Variants in ST13 observed in about 807,000 individuals in gnomAD.
ST13 encodes ST13 Hsp70 interacting protein, also known as hsc70-interacting protein.
Under a neutral mutation model 56.7 loss-of-function variants are expected in ST13, and 23 were observed. That is an observed-to-expected ratio of 0.41 (90% confidence interval 0.29 to 0.57). The LOEUF (loss-of-function observed/expected upper bound fraction) is 0.57. Ranked by LOEUF, ST13 falls within the 20% of genes least tolerant of loss-of-function variation. The pLI, the probability that ST13 is intolerant of heterozygous loss-of-function variation, is 0.36. For missense variants in ST13, 369 were observed against 459.9 expected (o/e 0.80, Z 1.81); for synonymous variants, 132 against 142.4 (o/e 0.93, Z 0.52).
intron 4 of ST13, 59 bp from the exon 5 acceptor site, chr22:40,840,751 CAT>C: frequency 3.4e-6 from 5 of 1,471,250 alleles, no homozygotes; most frequent in African/African-American, 1.4e-5. Context: ...GGAAGCAATT[CAT>C]ACTTTCTTAG....
intron 3 of ST13, among the ~76,000 whole-genome samples, chr22:40,847,915 C>A (rs1005483015): frequency 5.3e-5 from 8 of 151,916 alleles, no homozygotes; most frequent in African/African-American, 1.9e-4. Context: ...AGTGTGGTGG[C>A]AGGTTCCTCT....
At chr22:40,835,464 C>T in intron 7 of ST13, 96 bp downstream of exon 7, 2 of 1,042,292 alleles carry the variant, frequency 1.9e-6, no homozygotes, top group Non-Finnish European at 1.5e-6. Context: ...AAAATTAAGT[C>T]ATTAGGAACT....
At chr22:40,845,575 T>C (rs1387827844) in intron 3 of ST13, among the ~76,000 whole-genome samples, 1 of 152,132 alleles carries the variant, frequency 6.6e-6, no homozygotes, top group Non-Finnish European at 1.5e-5. Flanking sequence ...ATAAATTTAG[T>C]TTCCATATGT....
chr22:40,835,895 G>T lies in ST13; in HGVS notation c.383-8C>A. The T allele has an allele frequency of 1.2e-6, 2 of 1,601,358 alleles. No homozygotes were observed. Among genetic ancestry groups the T allele is most frequent in the Admixed American group, 3.4e-5 (2 of 59,022 alleles). On this transcript the variant is annotated splice_polypyrimidine_tract_variant and splice_region_variant and intron_variant, in intron 5 of 11. Coordinates refer to ENST00000216218, the MANE Select transcript of ST13 (RefSeq NM_003932.5). ...TGGCTTTCTGGAGTTCACCTAAAGT[G>T]AAACAAAAGTTATCGAGAAATATTC... is the stretch of plus-strand genomic sequence containing the variant.
rs975827663 is a variant in ST13 at position 40,825,196 on chromosome 22, G to A, written c.*1342C>T. ...AGGGAAAGAAAGCAAGCAGAGGTGGGGATATAGTTACACTATTTAAGAGCT... is the reference window on the plus strand; with the variant it reads ...AGGGAAAGAAAGCAAGCAGAGGTGGAGATATAGTTACACTATTTAAGAGCT... On this transcript the variant is annotated 3_prime_UTR_variant, in exon 12 of 12. Transcript: ENST00000216218. The A allele has an allele frequency of 6.6e-6, 1 of 151,794 alleles. No homozygotes were observed. The highest frequency in any genetic ancestry group is 2.4e-5 in the African/African-American group (1 of 41,290). 9.4% of individuals were successfully genotyped at this position (151,794 alleles called of 1,614,324 possible).
intron 10 of ST13, among the ~76,000 whole-genome samples, chr22:40,829,291 CCA>C (rs2057742925): frequency 6.6e-6 from 1 of 152,146 alleles, no homozygotes; most frequent in Non-Finnish European, 1.5e-5. Flanking sequence ...TATATAAATT[CCA>C]CACTGTCGTA....
At chr22:40,829,378 TA>T (rs1468933710) in intron 10 of ST13, among the ~76,000 whole-genome samples, 23 of 152,338 alleles carry the variant, frequency 1.5e-4, no homozygotes, top group Admixed American at 9.8e-4. Context: ...TGTCCTCTGG[TA>T]TTCAAAGATT....
In ST13 at chr22:40,856,529, G is replaced by T; in HGVS notation, c.12C>A (p.Arg4=). 1 of 1,612,418 alleles carries T rather than the reference G, an allele frequency of 6.2e-7. No individual in the cohort carries two copies. Among genetic ancestry groups the T allele is most frequent in the East Asian group, 2.2e-5 (1 of 44,880 alleles). MDP[R]KVNELRAFVK... ...CAAAGGCCCGAAGCTCGTTCACTTT[G>T]CGGGGGTCCATGGTAGGGAGGTGGT... The change falls in exon 1 of 12, where the codon CGC becomes CGA. Residue 4 remains arginine (R), a synonymous_variant. Transcript: ENST00000216218.
At chr22:40,846,698 A>G (rs533466387) in intron 3 of ST13, among the ~76,000 whole-genome samples, 1 of 152,340 alleles carries the variant, frequency 6.6e-6, no homozygotes, top group African/African-American at 2.4e-5. Context: ...GATATCAAAG[A>G]TAATTTGATT....
chr22:40,834,266 C>G (rs1334403840), intron 7 of ST13, among the ~76,000 whole-genome samples: 1 of 152,174 alleles, frequency 6.6e-6, no homozygotes, highest in Non-Finnish European at 1.5e-5. Context: ...GCCTGGGCAA[C>G]AGAGTGAGAC....
Position 40,844,884 on chromosome 22 carries a change from T to C in ST13, c.270A>G (p.Glu90=). Residue 90 remains glutamate (E), a synonymous_variant, in exon 4 of 12, where the codon GAA becomes GAG. Coordinates refer to ENST00000216218, the MANE Select transcript of ST13 (RefSeq NM_003932.5). ...TTTCTTGAGGAGCATCAGTGTCTGG[T>C]TCAATCACACCTTCTTTATCAATTT... ...DLEIDKEGVI[E]PDTDAPQEMG... The C allele has an allele frequency of 6.2e-7, 1 of 1,613,572 alleles. No homozygotes were observed. The highest frequency in any genetic ancestry group is 8.5e-7 in the Non-Finnish European group (1 of 1,179,724).
At chr22:40,840,993 TCTC>T (rs2057801745) in intron 4 of ST13, among the ~76,000 whole-genome samples, 1 of 151,858 alleles carries the variant, frequency 6.6e-6, no homozygotes, top group Non-Finnish European at 1.5e-5. Context: ...TTAAACCCAA[TCTC>T]CTCACAAAAA....
chr22:40,852,516 C>T (rs762812706), intron 1 of ST13, among the ~76,000 whole-genome samples: 1 of 152,030 alleles, frequency 6.6e-6, no homozygotes, highest in Non-Finnish European at 1.5e-5. Context: ...CAATATGAAG[C>T]AAAAGTATAA....
intron 4 of ST13, among the ~76,000 whole-genome samples, chr22:40,844,300 CTATAT>C (rs2057820120): frequency 1.3e-5 from 2 of 152,152 alleles, no homozygotes; most frequent in South Asian, 2.1e-4. Context: ...ACTGCTATTA[CTATAT>C]TAGAGTGTTT....
intron 5 of ST13, among the ~76,000 whole-genome samples, chr22:40,836,812 T>G (rs2057779687): frequency 6.6e-6 from 1 of 152,204 alleles, no homozygotes; most frequent in Non-Finnish European, 1.5e-5. Context: ...GCACAAAGTC[T>G]AAATCTTGGG....
chr22:40,838,774 G>A (rs1368541382), intron 5 of ST13, among the ~76,000 whole-genome samples: 1 of 152,032 alleles, frequency 6.6e-6, no homozygotes, highest in African/African-American at 2.4e-5. Flanking sequence ...AAATTTAGGT[G>A]GTAGGGAAAT....
At chr22:40,834,993 C>T (rs1011433455) in intron 7 of ST13, among the ~76,000 whole-genome samples, 5 of 152,178 alleles carry the variant, frequency 3.3e-5, no homozygotes, top group African/African-American at 9.7e-5. Context: ...ACTTCATTCC[C>T]AAGATACAAA....
intron 4 of ST13, among the ~76,000 whole-genome samples, chr22:40,841,873 A>AT: frequency 6.6e-6 from 1 of 152,264 alleles, no homozygotes; most frequent in South Asian, 2.1e-4. Context: ...GATTAGAAGC[A>AT]TAAGCCGCCA....
In ST13 at chr22:40,826,522, A is replaced by G; in HGVS notation, c.*16T>C. On this transcript the variant is annotated 3_prime_UTR_variant, in exon 12 of 12. Coordinates refer to ENST00000216218, the MANE Select transcript of ST13 (RefSeq NM_003932.5). ...TTGCTTTTCCTTCAGCAAGGGCTTTATTTATCAGAAGGACATTACGCTTGA... is the reference window on the plus strand; with the variant it reads ...TTGCTTTTCCTTCAGCAAGGGCTTTGTTTATCAGAAGGACATTACGCTTGA... 1.3e-6 allele frequency: 2 copies of G among 1,596,858 alleles called. No homozygotes were observed. The highest frequency in any genetic ancestry group is 1.3e-5 in the African/African-American group (1 of 74,894).
Sources: gnomAD v4.1 joint callset for allele counts (sites outside exome capture counted in the v4.1 genomes callset) on GRCh38, gnomAD v4.1.1 for gene constraint, MANE v1.5 for transcripts, NCBI Gene and HGNC (gene_info 2026-07-23, HGNC 2026-07-21) for gene names.